PTPRF: variants seen among roughly 807,000 people sequenced by gnomAD.
PTPRF encodes receptor-type tyrosine-protein phosphatase F.
PTPRF carries 59 observed loss-of-function variants against 201.8 expected under a neutral mutation model. The ratio of observed to expected loss-of-function variants is 0.29; its 90% CI spans 0.24 to 0.36. PTPRF has a LOEUF of 0.36. Ranked by LOEUF, PTPRF falls within the 10% of genes least tolerant of loss-of-function variation. The probability of loss-of-function intolerance (pLI) is 1.00; values close to 1 mark genes in which losing one functional copy is unlikely to be tolerated. For missense variants in PTPRF, 2,132 were observed against 2,690.5 expected (o/e 0.79, Z 4.59); for synonymous variants, 1,088 against 1,089.7 (o/e 1.00, Z 0.03).
At chr1:43,564,790 T>A (rs1162952696) in intron 5 of PTPRF, among the ~76,000 whole-genome samples, 1 of 152,092 alleles carries the variant, frequency 6.6e-6, no homozygotes, top group Non-Finnish European at 1.5e-5. Context: ...TGGGTAAACA[T>A]GGGTGAAAAG....
chr1:43,583,734 G>A (rs764690541), intron 7 of PTPRF, among the ~76,000 whole-genome samples: 3 of 151,998 alleles, frequency 2.0e-5, no homozygotes, highest in Non-Finnish European at 4.4e-5. Flanking sequence ...GGTGAGTAGC[G>A]TCATCTTGGC....
intron 13 of PTPRF, among the ~76,000 whole-genome samples, chr1:43,601,219 C>T (rs1653664481): frequency 6.6e-6 from 1 of 152,200 alleles, no homozygotes. Flanking sequence ...TGGAGACATC[C>T]TGGACCATCT....
chr1:43,613,690 G>C lies in PTPRF; in HGVS notation c.4046G>C (p.Gly1349Ala), dbSNP rs1657041158. 1 of 1,614,128 alleles carries C rather than the reference G, an allele frequency of 6.2e-7. No homozygotes were observed. The highest frequency in any genetic ancestry group is 8.5e-7 in the Non-Finnish European group (1 of 1,179,968). Residue 1349 changes from glycine to alanine, a missense_variant, in exon 23 of 34, where the codon GGC (glycine) becomes GCC (alanine). By Grantham distance (60) the Gly-to-Ala change is moderately conservative. Coordinates refer to ENST00000359947, the MANE Select transcript of PTPRF (RefSeq NM_002840.5). ...DNIERLKANDGLKFSQEYESI... is the reference protein window; with the variant it reads ...DNIERLKANDALKFSQEYESI... ...ATCGAGCGCCTCAAAGCCAACGATGGCCTCAAGTTCTCCCAGGAGTATGAG... is the reference window on the plus strand; with the variant it reads ...ATCGAGCGCCTCAAAGCCAACGATGCCCTCAAGTTCTCCCAGGAGTATGAG...
intron 30 of PTPRF, 96 bp downstream of exon 30, chr1:43,620,317 A>T: frequency 6.4e-7 from 1 of 1,553,972 alleles, no homozygotes; most frequent in East Asian, 2.3e-5. Flanking sequence ...CTCCTTTGAC[A>T]CCCCAGCTGC....
chr1:43,573,042 A>G (rs888562607), intron 6 of PTPRF, among the ~76,000 whole-genome samples: 3 of 152,094 alleles, frequency 2.0e-5, no homozygotes, highest in Non-Finnish European at 2.9e-5. Flanking sequence ...TGACCCCCCA[A>G]GTAGGAGCTG....
chr1:43,617,585 C>T lies in PTPRF; in HGVS notation c.4195+17C>T. On this transcript the variant is annotated intron_variant, in intron 24 of 33. Transcript: ENST00000359947. The stretch of plus-strand genomic sequence containing the variant: ...CTATCGATGGTGAGCCAAGGGGGTG[C>T]CCCTCCCATCCCCTTGCTCTCCCCC... The T allele has an allele frequency of 6.2e-7, 1 of 1,613,310 alleles. No homozygotes were observed.
At chr1:43,572,132 G>A (rs1646616537) in intron 6 of PTPRF, among the ~76,000 whole-genome samples, 1 of 152,166 alleles carries the variant, frequency 6.6e-6, no homozygotes, top group African/African-American at 2.4e-5. Flanking sequence ...TCAGCCTCTG[G>A]CTGCTGCCTC....
chr1:43,573,867 C>A (rs1024779304), intron 6 of PTPRF, among the ~76,000 whole-genome samples: 1 of 152,110 alleles, frequency 6.6e-6, no homozygotes, highest in African/African-American at 2.4e-5. Flanking sequence ...CTCCCACCCC[C>A]ACCAAGTCCT....
chr1:43,578,868 G>T lies in PTPRF; in HGVS notation c.627G>T (p.Ala209=). 2 of 1,614,202 alleles carry T rather than the reference G, an allele frequency of 1.2e-6. No homozygotes were observed. Among genetic ancestry groups the T allele is most frequent in the South Asian group, 1.1e-5 (1 of 91,080 alleles). The change falls in exon 7 of 34, where the codon GCG becomes GCT. Residue 209 remains alanine, a synonymous_variant. Transcript: ENST00000359947. ...ACCAAGGCAAGTACGAGTGTGTGGC[G>T]ACCAACTCGGCAGGCACACGTTACT... ...ESDQGKYECV[A]TNSAGTRYSA...
chr1:43,546,534 AG>A lies in PTPRF; in HGVS notation c.91+1369del, dbSNP rs1216629696. Among the ~76,000 whole-genome samples, 5 of 152,050 alleles carry A rather than the reference AG, an allele frequency of 3.3e-5. No homozygotes were observed. Among genetic ancestry groups the A allele is most frequent in the African/African-American group, 1.2e-4 (5 of 41,382 alleles). ...GAAGGCTTGTCCACGTGTGGTCAGT[AG>A]CTCTTGGACATTGAAGTACTGTCCT... On this transcript the variant is annotated intron_variant, in intron 3 of 33. Coordinates refer to ENST00000359947, the MANE Select transcript of PTPRF (RefSeq NM_002840.5). This position sits in a 1 kb window ranked among gnomAD's most constrained non-coding sequence, Gnocchi z 4.2.
chr1:43,548,242 C>T (rs550115330), intron 3 of PTPRF, among the ~76,000 whole-genome samples: 111 of 151,892 alleles, frequency 7.3e-4, no homozygotes, highest in Middle Eastern at 3.4e-3. Flanking sequence ...AGGTGGGGTC[C>T]GAAGACCAGG....
intron 3 of PTPRF, among the ~76,000 whole-genome samples, chr1:43,547,030 TAG>T: frequency 6.6e-6 from 1 of 152,220 alleles, no homozygotes; most frequent in Middle Eastern, 3.4e-3. Flanking sequence ...ATTCCAAAGG[TAG>T]AGTCGTGTCA....
intron 24 of PTPRF, 58 bp from the exon 25 acceptor site, chr1:43,617,678 G>A (rs562470916): frequency 7.5e-6 from 12 of 1,600,348 alleles, no homozygotes; most frequent in Admixed American, 1.7e-5. Context: ...ACTGAGGCAT[G>A]GTGGGCTGGG....
At chr1:43,600,154 C>T (rs1653392172) in intron 13 of PTPRF, among the ~76,000 whole-genome samples, 1 of 152,220 alleles carries the variant, frequency 6.6e-6, no homozygotes, top group East Asian at 1.9e-4. Flanking sequence ...CAGGCATGTG[C>T]ACCCACCTGC....
intron 5 of PTPRF, among the ~76,000 whole-genome samples, chr1:43,561,672 G>A (rs1232287948): frequency 6.6e-6 from 1 of 152,150 alleles, no homozygotes; most frequent in African/African-American, 2.4e-5. Context: ...ACACCCCCAT[G>A]ACTGCAGTAG....
intron 3 of PTPRF, among the ~76,000 whole-genome samples, chr1:43,551,740 A>G (rs1469018592): frequency 1.3e-5 from 2 of 152,198 alleles, no homozygotes; most frequent in Admixed American, 6.5e-5. Context: ...TAAGACTGAT[A>G]ATGCTGGTAC....
At chr1:43,524,017 C>G (rs947959060), upstream of PTPRF, among the ~76,000 whole-genome samples, 54 of 131,070 alleles carry the variant, frequency 4.1e-4, no homozygotes, top group African/African-American at 1.5e-3. Flanking sequence ...GAGCCGAGAT[C>G]GCATCACCCT....
rs1365103178 is a variant in PTPRF, at chr1:43,557,330, C to T, written c.379+3389C>T. The stretch of plus-strand genomic sequence containing the variant: ...TCTTTCAGGCCTGGGGTGAGGAGGA[C>T]GGACTTCAGACTGACAGGAGGGGCT... On this transcript the variant is annotated intron_variant, in intron 5 of 33. Coordinates refer to ENST00000359947, the MANE Select transcript of PTPRF (RefSeq NM_002840.5). Among the ~76,000 whole-genome samples, 6 of 152,232 alleles carry T rather than the reference C, an allele frequency of 3.9e-5. No individual in the cohort carries two copies. In the East Asian group the frequency reaches 5.8e-4, roughly 15 times the overall value.
chr1:43,568,066 C>T (rs147386101), intron 5 of PTPRF, among the ~76,000 whole-genome samples: 3,169 of 152,120 alleles, frequency 0.021, 122 homozygotes, highest in African/African-American at 0.072. Context: ...GAGGCCGAGG[C>T]GGGTAGATCA....
Sources: gnomAD v4.1 joint callset for allele counts (sites outside exome capture counted in the v4.1 genomes callset) on GRCh38, gnomAD v4.1.1 for gene constraint, Gnocchi (gnomAD v3.1) non-coding constraint, MANE v1.5 for transcripts, NCBI Gene and HGNC (gene_info 2026-07-23, HGNC 2026-07-21) for gene names.